The following BCL2 variants were observed in gnomAD, a reference collection of about 807,000 sequenced individuals.
BCL2 encodes the protein apoptosis regulator Bcl-2.
BCL2 carries 1 observed loss-of-function variant against 14.2 expected under a neutral mutation model. The observed-to-expected ratio is 0.07, with a 90% CI of 0.02 to 0.33. The LOEUF (loss-of-function observed/expected upper bound fraction) is 0.33, where lower values mean the gene tolerates loss of function less well. Ranked by LOEUF, BCL2 falls within the 10% of genes least tolerant of loss-of-function variation. The pLI, the probability that BCL2 is intolerant of heterozygous loss-of-function variation, is 0.99. For missense variants in BCL2, 247 were observed against 305.9 expected, an observed-to-expected ratio of 0.81 and a Z score of 1.44; for synonymous variants, 151 against 137.2, an observed-to-expected ratio of 1.10 and a Z score of -0.70.
chr18:63,312,707 C>T lies in BCL2; in HGVS notation c.585+5375G>A, dbSNP rs576006021. Among the ~76,000 whole-genome samples the T allele has an allele frequency of 3.0e-4, 45 of 152,338 alleles. No individual in the cohort carries two copies. The South Asian group carries it at 5.2e-3, about 18-fold the overall frequency. Reference sequence around the variant, plus strand: ...TTCCCCTGCTCAAAGGAAGAGCCCCCGCTCTGGTTCAAAACCTACTTGTAT... The same window carrying T: ...TTCCCCTGCTCAAAGGAAGAGCCCCTGCTCTGGTTCAAAACCTACTTGTAT... On this transcript the variant is annotated intron_variant, in intron 2 of 2. Coordinates refer to ENST00000333681, the MANE Select transcript of BCL2 (RefSeq NM_000633.3).
rs1295567512 is a variant in BCL2, at chr18:63,152,659, C to T, written c.586-23900G>A. Reference sequence around the variant, plus strand: ...TTGCTACTAAAAAATAAAGGGCCAACCAAGTATTCCCAGGAGGCAAAACAA... The same window carrying T: ...TTGCTACTAAAAAATAAAGGGCCAATCAAGTATTCCCAGGAGGCAAAACAA... On this transcript the variant is annotated intron_variant, in intron 2 of 2. Transcript: ENST00000333681. Among the ~76,000 whole-genome samples, 6 of 152,268 alleles carry T rather than the reference C, an allele frequency of 3.9e-5. No homozygotes were observed. In the East Asian group the frequency reaches 5.8e-4, roughly 15 times the overall value.
rs573285849 is a variant in BCL2, at chr18:63,156,609, C to T, written c.586-27850G>A. ...TCATCTGAGCACTGCAAGAACGTCC[C>T]ACCCTGGCGTCCACCTCCCCCGTCC... On this transcript the variant is annotated intron_variant, in intron 2 of 2. Coordinates refer to ENST00000333681, the MANE Select transcript of BCL2 (RefSeq NM_000633.3). 1.5e-3 allele frequency among the ~76,000 whole-genome samples: 223 copies of T among 152,308 alleles called. 1 individual carries two copies. Among genetic ancestry groups the T allele is most frequent in the Non-Finnish European group, 2.8e-3 (190 of 68,040 alleles).
intron 2 of BCL2, among the ~76,000 whole-genome samples, chr18:63,242,871 G>C (rs933418910): frequency 2.6e-5 from 4 of 152,190 alleles, no homozygotes; most frequent in African/African-American, 9.6e-5. Context: ...GTTTGAAAGA[G>C]GGATCAGGTG....
rs1913556450 is a variant in BCL2, at chr18:63,318,111, G to A, written c.556C>T (p.His186Tyr). Reference protein sequence around the residue: ...WMTEYLNRHLHTWIQDNGGWD... With the variant: ...WMTEYLNRHLYTWIQDNGGWD... ...CCTCCGTTATCCTGGATCCAGGTGT[G>A]CAGGTGCCGGTTCAGGTACTCAGTC... Residue 186 changes from histidine to tyrosine, a missense_variant, in exon 2 of 3, where the codon CAC becomes TAC. Physicochemically the swap from His to Tyr is moderately conservative, Grantham distance 83. Coordinates refer to ENST00000333681, the MANE Select transcript of BCL2 (RefSeq NM_000633.3). This position sits in a 1 kb window ranked among gnomAD's most constrained non-coding sequence, Gnocchi z 7.4. The A allele has an allele frequency of 6.2e-7, 1 of 1,613,992 alleles. No individual in the cohort carries two copies. The highest frequency in any genetic ancestry group is 2.2e-5 in the East Asian group (1 of 44,898).
rs781718615 is a variant in BCL2 at position 63,318,404 on chromosome 18, G to A, written c.263C>T (p.Pro88Leu). ...PGAAAGPALS[P>L]VPPVVHLTLR... ...GGTCAGGTGGACCACAGGTGGCACC[G>A]GGCTGAGCGCAGGCCCCGCGGCGGC... The change falls in exon 2 of 3, where the codon CCG becomes CTG. Residue 88 changes from proline (P) to leucine (L), a missense_variant. Around this residue, in one of 3 missense-constraint regions of BCL2, gnomAD observed 144 missense variants for 135.3 expected, o/e 1.06. Coordinates refer to ENST00000333681, the MANE Select transcript of BCL2 (RefSeq NM_000633.3). The surrounding 1 kb of genome is among the most constrained non-coding windows in gnomAD (Gnocchi z 7.4). 2 of 1,546,482 alleles carry A rather than the reference G, an allele frequency of 1.3e-6. No individual in the cohort carries two copies. The highest frequency in any genetic ancestry group is 1.7e-6 in the Non-Finnish European group (2 of 1,151,400).
At chr18:63,164,749 A>G (rs995763499) in intron 2 of BCL2, among the ~76,000 whole-genome samples, 24 of 152,086 alleles carry the variant, frequency 1.6e-4, no homozygotes, top group African/African-American at 5.8e-4. Context: ...CCACTGGAGG[A>G]GAAATGAACT....
chr18:63,169,357 CTTTCTTTCTTTCTCTT>C (rs1291398042), intron 2 of BCL2, among the ~76,000 whole-genome samples: 1 of 61,392 alleles, frequency 1.6e-5, no homozygotes, highest in Non-Finnish European at 3.0e-5. Context: ...TTCTTTCTTT[CTTTCTTTCTTTCTCTT>C]TCTTTCTTTC....
rs74169950 is a variant in BCL2, at chr18:63,274,277, CTT to C, written c.585+43803_585+43804del. On this transcript the variant is annotated intron_variant, in intron 2 of 2. Transcript: ENST00000333681. ...GGAGTCAAGCTTTTATAAAGATACT[CTT>C]TTTTTTTTTTTTTTTTTTTTTGAGA... Among the ~76,000 whole-genome samples the C allele has an allele frequency of 7.7e-3, 669 of 86,690 alleles. 3 individuals carry two copies. The highest frequency in any genetic ancestry group is 0.028 in the African/African-American group (643 of 22,926). 56.9% of individuals were successfully genotyped at this position (86,690 alleles called of 152,430 possible). A position where few individuals can be genotyped will look rare whatever the true frequency, so the allele number is the denominator to read the frequency against.
At chr18:63,251,559 G>A (rs1446742651) in intron 2 of BCL2, among the ~76,000 whole-genome samples, 3 of 150,302 alleles carry the variant, frequency 2.0e-5, no homozygotes, top group African/African-American at 7.3e-5. Context: ...GCAGGAGAAT[G>A]GCGTGAACCC....
At chr18:63,163,664 A>C (rs1011494437) in intron 2 of BCL2, among the ~76,000 whole-genome samples, 3 of 152,230 alleles carry the variant, frequency 2.0e-5, no homozygotes, top group Middle Eastern at 3.2e-3. Flanking sequence ...ATGAAAAAAA[A>C]CACACAACAA....
intron 2 of BCL2, among the ~76,000 whole-genome samples, chr18:63,222,885 G>T (rs1910439513): frequency 6.6e-6 from 1 of 152,230 alleles, no homozygotes; most frequent in African/African-American, 2.4e-5. Flanking sequence ...TGTTTAGTAT[G>T]TTGTAGGTTT....
In BCL2 at chr18:63,125,425, G is replaced by A. The variant is rs1188387529; in HGVS notation, c.*3200C>T. The A allele has an allele frequency of 4.5e-6, 1 of 222,084 alleles. No homozygotes were observed. Among genetic ancestry groups the A allele is most frequent in the Non-Finnish European group, 9.0e-6 (1 of 110,962 alleles). 13.8% of individuals were successfully genotyped at this position (222,084 alleles called of 1,614,324 possible). ...CTCTCTTGCGGAGTATTTGTGCAGCGAGGGACTGGGAGGGCCGAGGAGGTT... is the reference window on the plus strand; with the variant it reads ...CTCTCTTGCGGAGTATTTGTGCAGCAAGGGACTGGGAGGGCCGAGGAGGTT... On this transcript the variant is annotated 3_prime_UTR_variant, in exon 3 of 3. Transcript: ENST00000333681.
At chr18:63,169,369 CTCTT>C (rs138933161) in intron 2 of BCL2, among the ~76,000 whole-genome samples, 13,089 of 69,342 alleles carry the variant, frequency 0.19, 1,731 homozygotes, top group Non-Finnish European at 0.22. Flanking sequence ...TTCTTTCTTT[CTCTT>C]TCTTTCTTTC....
rs996304650 is a variant in BCL2, at chr18:63,126,508, T to G, written c.*2117A>C. ...GAATACCATGAATTAAATGCGGAAT[T>G]GCCCAGGGACGAGGAAACCTTCAAG... On this transcript the variant is annotated 3_prime_UTR_variant, in exon 3 of 3. Coordinates refer to ENST00000333681, the MANE Select transcript of BCL2 (RefSeq NM_000633.3). 1 of 228,928 alleles carries G rather than the reference T, an allele frequency of 4.4e-6. No individual in the cohort carries two copies. Among genetic ancestry groups the G allele is most frequent in the African/African-American group, 2.2e-5 (1 of 45,120 alleles). 14.2% of individuals were successfully genotyped at this position (228,928 alleles called of 1,614,324 possible). A position where few individuals can be genotyped will look rare whatever the true frequency, so the allele number is the denominator to read the frequency against.
chr18:63,300,914 C>A (rs1381632291), intron 2 of BCL2, among the ~76,000 whole-genome samples: 1 of 152,150 alleles, frequency 6.6e-6, no homozygotes, highest in Non-Finnish European at 1.5e-5. Context: ...TCTGTCAGGT[C>A]AATTCTAATT....
At chr18:63,162,218 T>C (rs116558068) in intron 2 of BCL2, among the ~76,000 whole-genome samples, 1,623 of 152,204 alleles carry the variant, frequency 0.011, 24 homozygotes, top group African/African-American at 0.037. Context: ...ATCAAGAAGC[T>C]CTGAGAAAAC....
rs41301945 is a variant in BCL2, at chr18:63,128,085, C to G, written c.*540G>C. 10 of 226,352 alleles carry G rather than the reference C, an allele frequency of 4.4e-5. No individual in the cohort carries two copies. The highest frequency in any genetic ancestry group is 8.8e-5 in the Non-Finnish European group (10 of 113,578). The allele number at this position is 226,352 out of a possible 1,614,324, so 14.0% of individuals were successfully genotyped here. ...GGCCAGGGAGGCATGGACTTCCCCCCACAGGAACCCTCCCTCTGTTAATAT... is the reference window on the plus strand; with the variant it reads ...GGCCAGGGAGGCATGGACTTCCCCCGACAGGAACCCTCCCTCTGTTAATAT... On this transcript the variant is annotated 3_prime_UTR_variant, in exon 3 of 3. Transcript: ENST00000333681.
chr18:63,129,747 G>A (rs750466353), intron 2 of BCL2, among the ~76,000 whole-genome samples: 2 of 152,190 alleles, frequency 1.3e-5, no homozygotes, highest in Middle Eastern at 3.2e-3. Flanking sequence ...CGTGGCTAAC[G>A]GCAGCTCTAT....
At chr18:63,152,880 C>T (rs1260175547) in intron 2 of BCL2, among the ~76,000 whole-genome samples, 1 of 152,236 alleles carries the variant, frequency 6.6e-6, no homozygotes, top group Admixed American at 6.5e-5. Context: ...GCGGAGACTA[C>T]AAGACGTGAG....
Sources: allele counts gnomAD v4.1 joint callset (sites outside exome capture counted in the v4.1 genomes callset), GRCh38; gene constraint gnomAD v4.1.1; regional missense constraint gnomAD v4.1.1; non-coding constraint Gnocchi (gnomAD v3.1); transcripts MANE v1.5; gene names NCBI Gene and HGNC (gene_info 2026-07-23, HGNC 2026-07-21).